The following ABHD12 variants were observed in gnomAD, a reference collection of about 807,000 sequenced individuals.
The protein encoded by ABHD12 is abhydrolase domain containing 12, lysophospholipase.
A neutral mutation model predicts 58.3 loss-of-function variants in ABHD12; 43 were observed. That is an observed-to-expected ratio of 0.74 (90% CI 0.58 to 0.95). The LOEUF (loss-of-function observed/expected upper bound fraction) is 0.95, where lower values mean the gene tolerates loss of function less well. ABHD12 is among the 40% of genes least tolerant of loss of function. ABHD12 has a pLI of 0.00. For missense variants in ABHD12, 539 were observed against 537.2 expected, an observed-to-expected ratio of 1.00 and a Z score of -0.03; for synonymous variants, 219 against 211.2, an observed-to-expected ratio of 1.04 and a Z score of -0.32.
At chr20:25,379,251 A>G (rs2089994842) in intron 1 of ABHD12, among the ~76,000 whole-genome samples, 1 of 152,210 alleles carries the variant, frequency 6.6e-6, no homozygotes, top group Admixed American at 6.5e-5. Context: ...TCCCAAGGGA[A>G]CTGTCCTTGT....
At chr20:25,296,355 T>C (rs2088544561), downstream of ABHD12, 1 of 1,613,866 alleles carries the variant, frequency 6.2e-7, no homozygotes, top group East Asian at 2.2e-5. Flanking sequence ...ACTAATTTCA[T>C]CTCCTTCCCT....
intron 2 of ABHD12, among the ~76,000 whole-genome samples, chr20:25,335,863 C>T (rs1221255492): frequency 2.5e-4 from 36 of 146,306 alleles, no homozygotes; most frequent in Admixed American, 4.1e-4. Flanking sequence ...TGCTAGATGA[C>T]GAGTTAGTGG....
At chr20:25,314,780 CTT>C in intron 6 of ABHD12, 143 bp downstream of exon 6, 1 of 922,340 alleles carries the variant, frequency 1.1e-6, no homozygotes, top group Admixed American at 1.8e-5. Context: ...CCATCAGGGT[CTT>C]TGTCAGGACC....
intron 4 of ABHD12, among the ~76,000 whole-genome samples, chr20:25,318,745 A>C (rs2089010583): frequency 6.6e-6 from 1 of 152,160 alleles, no homozygotes; most frequent in Non-Finnish European, 1.5e-5. Flanking sequence ...GTCATTTATA[A>C]AAAGATGCTG....
chr20:25,298,970 A>T (rs566405597), downstream of ABHD12, among the ~76,000 whole-genome samples: 3 of 152,206 alleles, frequency 2.0e-5, no homozygotes, highest in Non-Finnish European at 4.4e-5. Flanking sequence ...CCTCCCAGGG[A>T]TTAGTTGCTT....
intron 4 of ABHD12, among the ~76,000 whole-genome samples, chr20:25,319,098 C>T (rs2089018794): frequency 6.6e-6 from 1 of 152,256 alleles, no homozygotes; most frequent in Admixed American, 6.5e-5. Context: ...GCAGCCCTGT[C>T]TCCGTGCTGG....
intron 2 of ABHD12, among the ~76,000 whole-genome samples, chr20:25,331,107 A>C (rs1025911657): frequency 2.0e-5 from 3 of 152,212 alleles, no homozygotes; most frequent in Non-Finnish European, 1.5e-5. Context: ...ACCAATACAG[A>C]GAAGTGCTTA....
chr20:25,360,359 G>GCCT (rs935501729), intron 1 of ABHD12, among the ~76,000 whole-genome samples: 8 of 144,050 alleles, frequency 5.6e-5, no homozygotes, highest in Non-Finnish European at 1.2e-4. Context: ...TCCTGCCTCA[G>GCCT]CCTCCCAAGT....
intron 1 of ABHD12, among the ~76,000 whole-genome samples, chr20:25,351,083 CATA>C (rs1195244224): frequency 3.9e-5 from 6 of 151,956 alleles, no homozygotes; most frequent in African/African-American, 1.5e-4. Context: ...TTGCCATATG[CATA>C]ATAAACATTT....
chr20:25,368,413 A>T, intron 1 of ABHD12: 2 of 1,597,812 alleles, frequency 1.3e-6, no homozygotes, highest in Non-Finnish European at 1.7e-6. Context: ...CCAACCACTC[A>T]GTCTTGGCAG....
intron 1 of ABHD12, among the ~76,000 whole-genome samples, chr20:25,382,292 G>A (rs2090031247): frequency 6.6e-6 from 1 of 151,892 alleles, no homozygotes; most frequent in Admixed American, 6.6e-5. Context: ...CCTGGCTCTT[G>A]GCCCCTGTTC....
chr20:25,342,706 C>T (rs1203494189), intron 1 of ABHD12, among the ~76,000 whole-genome samples: 1 of 152,200 alleles, frequency 6.6e-6, no homozygotes, highest in Non-Finnish European at 1.5e-5. Flanking sequence ...CCAAGCCATC[C>T]TCCCACCTTG....
intron 1 of ABHD12, among the ~76,000 whole-genome samples, chr20:25,342,120 A>G (rs1851208807): frequency 6.6e-6 from 1 of 151,948 alleles, no homozygotes; most frequent in South Asian, 2.1e-4. Flanking sequence ...AAAAAAAAAA[A>G]AAAAAAAGTT....
downstream of ABHD12, chr20:25,297,484 C>G (rs769121385): frequency 1.3e-5 from 2 of 152,480 alleles, no homozygotes; most frequent in Non-Finnish European, 2.9e-5. Context: ...AGGCTCCATT[C>G]TCCCTCCCTT....
downstream of ABHD12, among the ~76,000 whole-genome samples, chr20:25,295,333 G>T (rs545682903): frequency 5.3e-5 from 8 of 152,256 alleles, no homozygotes; most frequent in African/African-American, 1.9e-4. Context: ...TGGAAGACAC[G>T]TTTTAAATGC....
chr20:25,308,735 C>T (rs955764249), intron 7 of ABHD12, among the ~76,000 whole-genome samples: 1 of 152,190 alleles, frequency 6.6e-6, no homozygotes, highest in Admixed American at 6.5e-5. Flanking sequence ...GAGGTGTGTC[C>T]TGCTGCCTCT....
chr20:25,315,547 C>T (rs565875471), intron 5 of ABHD12, among the ~76,000 whole-genome samples: 2 of 151,286 alleles, frequency 1.3e-5, no homozygotes, highest in African/African-American at 2.4e-5. Flanking sequence ...GGGAGGCTGC[C>T]GCACCATCAT....
intron 1 of ABHD12, among the ~76,000 whole-genome samples, chr20:25,388,789 T>TTC (rs201450314): frequency 0.087 from 11,962 of 137,622 alleles, 836 homozygotes; most frequent in African/African-American, 0.22. Flanking sequence ...GATTTTTTCT[T>TTC]TTTTTTTTTT....
chr20:25,297,456 G>A (rs1333377542), downstream of ABHD12: 3 of 152,418 alleles, frequency 2.0e-5, no homozygotes, highest in East Asian at 5.8e-4. Flanking sequence ...TGCATTTCCT[G>A]TTGTACACAC....
Sources: gnomAD v4.1 joint callset for allele counts (sites outside exome capture counted in the v4.1 genomes callset) on GRCh38, gnomAD v4.1.1 for gene constraint, MANE v1.5 for transcripts, NCBI Gene and HGNC (gene_info 2026-07-23, HGNC 2026-07-21) for gene names.